Variants in TMCC1 observed in about 807,000 individuals in gnomAD.
TMCC1 encodes the protein transmembrane and coiled-coil domain family 1.
In TMCC1, 15 loss-of-function variants were observed where a neutral mutation model predicts 52.4. The ratio of observed to expected loss-of-function variants is 0.29; its 90% confidence interval spans 0.19 to 0.44. The LOEUF (loss-of-function observed/expected upper bound fraction) is 0.44, where lower values mean the gene tolerates loss of function less well. Among genes scored for constraint, TMCC1 ranks in the 20% least tolerant of loss-of-function variants. The pLI is 1.00. For synonymous variants in TMCC1, 279 were observed against 301.9 expected (o/e 0.92, Z 0.79); for missense variants, 503 against 806.0 (o/e 0.62, Z 4.55).
intron 4 of TMCC1, among the ~76,000 whole-genome samples, chr3:129,804,430 A>C (rs958943687): frequency 1.3e-5 from 2 of 152,012 alleles, no homozygotes; most frequent in Admixed American, 6.6e-5. Context: ...AAGGCCTTTT[A>C]CCTCCATTAG....
chr3:129,680,001 A>G (rs1470311739), intron 4 of TMCC1, among the ~76,000 whole-genome samples: 3 of 152,200 alleles, frequency 2.0e-5, no homozygotes, highest in African/African-American at 7.2e-5. Context: ...TTATTGCATC[A>G]GAGATTGACT....
chr3:129,731,353 A>C (rs2050521427), intron 4 of TMCC1, among the ~76,000 whole-genome samples: 1 of 152,200 alleles, frequency 6.6e-6, no homozygotes, highest in Non-Finnish European at 1.5e-5. Context: ...CAAGGTGGAG[A>C]GATCACATGA....
intron 4 of TMCC1, among the ~76,000 whole-genome samples, chr3:129,793,382 A>G (rs1360508488): frequency 6.6e-6 from 1 of 152,218 alleles, no homozygotes; most frequent in Non-Finnish European, 1.5e-5. Context: ...TTTTCCCTTA[A>G]GATCACAATA....
At chr3:129,868,277 G>C (rs1168348278) in intron 2 of TMCC1, among the ~76,000 whole-genome samples, 1 of 152,044 alleles carries the variant, frequency 6.6e-6, no homozygotes, top group Admixed American at 6.5e-5. Context: ...CAAATTTCAT[G>C]ACCCAACAGT....
At chr3:129,766,134 G>A (rs1462815828) in intron 4 of TMCC1, among the ~76,000 whole-genome samples, 1 of 152,126 alleles carries the variant, frequency 6.6e-6, no homozygotes, top group Non-Finnish European at 1.5e-5. Context: ...AGGAAAAGAA[G>A]GCAATGCAAT....
chr3:129,770,081 T>C (rs1249103555), intron 4 of TMCC1, among the ~76,000 whole-genome samples: 2 of 152,244 alleles, frequency 1.3e-5, no homozygotes, highest in South Asian at 4.1e-4. Flanking sequence ...GTTTCTTATA[T>C]GTTATTAAAG....
At chr3:129,851,472 TCA>T (rs1162180769) in intron 2 of TMCC1, among the ~76,000 whole-genome samples, 4 of 152,172 alleles carry the variant, frequency 2.6e-5, no homozygotes, top group African/African-American at 9.7e-5. Context: ...TAACAAAAAT[TCA>T]GTCTATTTTA....
intron 2 of TMCC1, among the ~76,000 whole-genome samples, chr3:129,860,504 C>T (rs990154054): frequency 2.0e-5 from 3 of 152,040 alleles, no homozygotes; most frequent in African/African-American, 7.2e-5. Context: ...CTACAGTGTA[C>T]ATCAAAATGT....
chr3:129,796,098 A>G (rs2056803658), intron 4 of TMCC1, among the ~76,000 whole-genome samples: 1 of 152,224 alleles, frequency 6.6e-6, no homozygotes, highest in African/African-American at 2.4e-5. Flanking sequence ...AGCCACATAT[A>G]TGACAGTGGT....
At chr3:129,763,215 T>A (rs868867433) in intron 4 of TMCC1, among the ~76,000 whole-genome samples, 1,978 of 86,506 alleles carry the variant, frequency 0.023, 91 homozygotes, top group African/African-American at 0.055. Context: ...AAAAAATAAA[T>A]AAATAAATAA....
chr3:129,773,527 C>A (rs2054782801), intron 4 of TMCC1, among the ~76,000 whole-genome samples: 1 of 151,898 alleles, frequency 6.6e-6, no homozygotes. Flanking sequence ...ATTTATAAAG[C>A]CAAATTTAAG....
intron 2 of TMCC1, among the ~76,000 whole-genome samples, chr3:129,836,339 G>A (rs2059158013): frequency 6.6e-6 from 1 of 152,076 alleles, no homozygotes; most frequent in South Asian, 2.1e-4. Flanking sequence ...GATTTGAATA[G>A]CATGAACAAA....
intron 4 of TMCC1, among the ~76,000 whole-genome samples, chr3:129,785,992 T>C (rs1395966339): frequency 6.8e-6 from 1 of 147,756 alleles, no homozygotes; most frequent in Non-Finnish European, 1.5e-5. Flanking sequence ...TGGAGTATAG[T>C]GGCGCGATGT....
chr3:129,884,492 A>G (rs1453799940), intron 1 of TMCC1, among the ~76,000 whole-genome samples: 4 of 151,990 alleles, frequency 2.6e-5, no homozygotes, highest in South Asian at 2.1e-4. Context: ...GAATTTATAC[A>G]TATCTTCCAA....
chr3:129,790,251 T>C (rs1014330706), intron 4 of TMCC1, among the ~76,000 whole-genome samples: 1 of 152,234 alleles, frequency 6.6e-6, no homozygotes, highest in Non-Finnish European at 1.5e-5. Flanking sequence ...CAAAGATCCA[T>C]ATCTGGAAAA....
chr3:129,838,188 A>G (rs1325641036), intron 2 of TMCC1, among the ~76,000 whole-genome samples: 1 of 151,954 alleles, frequency 6.6e-6, no homozygotes, highest in African/African-American at 2.4e-5. Context: ...AGGCGGGAGG[A>G]TGGCTTGAGC....
At chr3:129,836,435 A>C (rs2059162230) in intron 2 of TMCC1, among the ~76,000 whole-genome samples, 1 of 152,242 alleles carries the variant, frequency 6.6e-6, no homozygotes, top group South Asian at 2.1e-4. Context: ...CATTTACAAA[A>C]ATTGACCATA....
At chr3:129,689,987 G>A (rs1351309087) in intron 4 of TMCC1, among the ~76,000 whole-genome samples, 1 of 152,130 alleles carries the variant, frequency 6.6e-6, no homozygotes, top group African/African-American at 2.4e-5. Context: ...GCTTAATTCT[G>A]TTTACTAGCA....
chr3:129,857,842 C>T (rs1421058328), intron 2 of TMCC1, among the ~76,000 whole-genome samples: 1 of 152,206 alleles, frequency 6.6e-6, no homozygotes, highest in Admixed American at 6.5e-5. Flanking sequence ...GGATTACAGG[C>T]GTGAGCCACT....
Sources: allele counts gnomAD v4.1 joint callset (sites outside exome capture counted in the v4.1 genomes callset), GRCh38; gene constraint gnomAD v4.1.1; transcripts MANE v1.5; gene names NCBI Gene and HGNC (gene_info 2026-07-23, HGNC 2026-07-21).